Variants in TMEM108 observed in about 807,000 individuals in gnomAD.
TMEM108 encodes transmembrane protein 108.
Under a neutral mutation model 35.1 loss-of-function variants are expected in TMEM108, and 12 were observed. The ratio of observed to expected loss-of-function variants is 0.34; its 90% CI spans 0.22 to 0.55. The LOEUF is 0.55. TMEM108 is among the 20% of genes least tolerant of loss of function. TMEM108 has a pLI of 0.89. For synonymous variants in TMEM108, 287 were observed against 308.6 expected, an observed-to-expected ratio of 0.93 and a Z score of 0.73; for missense variants, 680 against 753.3, an observed-to-expected ratio of 0.90 and a Z score of 1.14.
At chr3:133,153,564 G>C (rs757074265) in intron 2 of TMEM108, among the ~76,000 whole-genome samples, 23 of 152,124 alleles carry the variant, frequency 1.5e-4, no homozygotes, top group Non-Finnish European at 3.1e-4. Context: ...TCAGGAAACT[G>C]GTTTCACCAT....
intron 3 of TMEM108, among the ~76,000 whole-genome samples, chr3:133,269,042 G>A (rs1385911650): frequency 6.6e-6 from 1 of 152,144 alleles, no homozygotes; most frequent in African/African-American, 2.4e-5. Context: ...TTAAGCACAA[G>A]TGCATCTTGT....
intron 2 of TMEM108, among the ~76,000 whole-genome samples, chr3:133,172,441 T>A (rs1356811731): frequency 6.6e-6 from 1 of 152,232 alleles, no homozygotes; most frequent in Non-Finnish European, 1.5e-5. Context: ...TAGGTACCAT[T>A]TGGCTAATAA....
At chr3:133,392,633 C>G (rs1197895154) in intron 5 of TMEM108, among the ~76,000 whole-genome samples, 1 of 152,152 alleles carries the variant, frequency 6.6e-6, no homozygotes. Flanking sequence ...CAAGATTGAA[C>G]CCTTGATTTC....
At chr3:133,099,416 C>A (rs900177099) in intron 2 of TMEM108, among the ~76,000 whole-genome samples, 1 of 152,204 alleles carries the variant, frequency 6.6e-6, no homozygotes, top group African/African-American at 2.4e-5. Context: ...ACATTTTCCC[C>A]GTGGTCTTGG....
chr3:133,080,739 T>C (rs964281171), intron 2 of TMEM108, among the ~76,000 whole-genome samples: 5 of 152,210 alleles, frequency 3.3e-5, no homozygotes, highest in African/African-American at 1.2e-4. Context: ...AGTGTATATC[T>C]AGAGGAAAGC....
chr3:133,330,941 T>C (rs1348732204), intron 3 of TMEM108, among the ~76,000 whole-genome samples: 8 of 152,102 alleles, frequency 5.3e-5, no homozygotes, highest in Non-Finnish European at 1.5e-5. Flanking sequence ...CAAATAAATA[T>C]ATAAAATAGT....
chr3:133,231,018 C>G (rs1946145261), intron 3 of TMEM108, among the ~76,000 whole-genome samples: 2 of 152,152 alleles, frequency 1.3e-5, no homozygotes. Flanking sequence ...GTGGCCCTCA[C>G]TAAACCACCC....
chr3:133,330,754 C>CAAA (rs984308395), intron 3 of TMEM108, among the ~76,000 whole-genome samples: 8 of 151,972 alleles, frequency 5.3e-5, no homozygotes, highest in African/African-American at 1.9e-4. Flanking sequence ...CAAATTGCAT[C>CAAA]TGTTTTTTTA....
intron 3 of TMEM108, among the ~76,000 whole-genome samples, chr3:133,353,057 CAG>C (rs2107774601): frequency 6.6e-6 from 1 of 152,240 alleles, no homozygotes; most frequent in African/African-American, 2.4e-5. Context: ...AGAAACCAGG[CAG>C]AGACCAAATA....
intron 3 of TMEM108, among the ~76,000 whole-genome samples, chr3:133,243,676 A>C (rs1559880008): frequency 6.6e-6 from 1 of 151,710 alleles, no homozygotes; most frequent in Non-Finnish European, 1.5e-5. Context: ...GCCTGCCACC[A>C]CGCCCGGCTA....
At chr3:133,272,272 C>CATGTGTGTGTGTGT (rs373072243) in intron 3 of TMEM108, among the ~76,000 whole-genome samples, 162 of 137,836 alleles carry the variant, frequency 1.2e-3, no homozygotes, top group African/African-American at 3.2e-3. Context: ...CATACACGTA[C>CATGTGTGTGTGTGT]GTGTGTGTGT....
At chr3:133,306,414 C>T (rs919006564) in intron 3 of TMEM108, among the ~76,000 whole-genome samples, 1 of 152,112 alleles carries the variant, frequency 6.6e-6, no homozygotes, top group African/African-American at 2.4e-5. Context: ...ATGTGCACAA[C>T]GTGCAGGTAT....
intron 2 of TMEM108, among the ~76,000 whole-genome samples, chr3:133,150,346 T>G (rs895068446): frequency 1.2e-4 from 18 of 150,296 alleles, no homozygotes; most frequent in Non-Finnish European, 1.5e-4. Flanking sequence ...TATTTGGTTT[T>G]TTTTTTTTTT....
intron 3 of TMEM108, among the ~76,000 whole-genome samples, chr3:133,243,826 A>T (rs181205356): frequency 6.6e-6 from 1 of 152,116 alleles, no homozygotes; most frequent in Middle Eastern, 3.2e-3. Flanking sequence ...GCCCGGCCTC[A>T]TGTCTTTTTT....
Position 133,213,112 on chromosome 3 carries a change from A to T in TMEM108, c.-46-16154A>T, listed in dbSNP as rs138458156. On this transcript the variant is annotated intron_variant, in intron 2 of 5. Coordinates refer to ENST00000321871, the MANE Select transcript of TMEM108 (RefSeq NM_023943.4). ...ATATTTGCCTACCTGTTGCTCATGGAACAAGATGCTCAGGCCCTGAGATAA... is the reference window on the plus strand; with the variant it reads ...ATATTTGCCTACCTGTTGCTCATGGTACAAGATGCTCAGGCCCTGAGATAA... 5.1e-3 allele frequency among the ~76,000 whole-genome samples: 771 copies of T among 152,264 alleles called. 6 individuals are homozygous for T. The highest frequency in any genetic ancestry group is 9.4e-3 in the Admixed American group (144 of 15,290).
At chr3:133,338,150 A>G (rs1355669569) in intron 3 of TMEM108, among the ~76,000 whole-genome samples, 6 of 152,184 alleles carry the variant, frequency 3.9e-5, no homozygotes, top group African/African-American at 1.2e-4. Context: ...ATTGAAAGGG[A>G]TAATAACAGA....
At chr3:133,313,979 A>C (rs1302572957) in intron 3 of TMEM108, among the ~76,000 whole-genome samples, 3 of 152,188 alleles carry the variant, frequency 2.0e-5, no homozygotes, top group Admixed American at 6.5e-5. Flanking sequence ...ATTGGATGAC[A>C]GTTTTCTTAT....
chr3:133,226,672 G>A (rs906851597), intron 2 of TMEM108, among the ~76,000 whole-genome samples: 2 of 152,134 alleles, frequency 1.3e-5, no homozygotes, highest in Admixed American at 1.3e-4. Context: ...GCTGAGAGGA[G>A]GGAGCCATTC....
At position 133,096,532 on chromosome 3, in the gene TMEM108, CTT is replaced by C. The variant is rs1321296477; in HGVS notation, c.-47+50514_-47+50515del. Among the ~76,000 whole-genome samples, 5 of 152,242 alleles carry C rather than the reference CTT, an allele frequency of 3.3e-5. No homozygotes were observed. The East Asian group carries it at 9.7e-4, about 29-fold the overall frequency. ...GTCTCTACTAATTGATCAGCACAGG[CTT>C]TCTTGTCTCTTCAGATTATATGCTG... On this transcript the variant is annotated intron_variant, in intron 2 of 5. Coordinates refer to ENST00000321871, the MANE Select transcript of TMEM108 (RefSeq NM_023943.4).
Sources: gnomAD v4.1 joint callset for allele counts (sites outside exome capture counted in the v4.1 genomes callset) on GRCh38, gnomAD v4.1.1 for gene constraint, MANE v1.5 for transcripts, NCBI Gene and HGNC (gene_info 2026-07-23, HGNC 2026-07-21) for gene names.